The following WDR35 variants were observed in gnomAD, a reference collection of about 807,000 sequenced individuals.
WDR35 encodes WD repeat domain 35.
A neutral mutation model predicts 158.3 loss-of-function variants in WDR35; 118 were observed. That is an observed-to-expected ratio of 0.75 (90% CI 0.64 to 0.87). The LOEUF (loss-of-function observed/expected upper bound fraction) is 0.87. Among genes scored for constraint, WDR35 ranks in the 40% least tolerant of loss-of-function variants. The pLI is 0.00. For synonymous variants in WDR35, 448 were observed against 476.1 expected (o/e 0.94, Z 0.77); for missense variants, 1,263 against 1,405.8 (o/e 0.90, Z 1.62).
chr2:19,962,807 A>G (rs1164156374), intron 10 of WDR35, among the ~76,000 whole-genome samples: 1 of 152,200 alleles, frequency 6.6e-6, no homozygotes, highest in East Asian at 1.9e-4. Context: ...AAAAAATCAT[A>G]ATTTACTCTT....
At chr2:19,938,185 A>G (rs1050179308) in intron 18 of WDR35, 80 bp downstream of exon 18, 32 of 1,563,110 alleles carry the variant, frequency 2.0e-5, no homozygotes, top group Non-Finnish European at 2.6e-5. Context: ...TCAGGAGGAT[A>G]GTAGGGGAGC....
chr2:19,961,871 T>C (rs543835613), intron 10 of WDR35, among the ~76,000 whole-genome samples: 1 of 152,318 alleles, frequency 6.6e-6, no homozygotes, highest in African/African-American at 2.4e-5. Flanking sequence ...CTCATTCTAT[T>C]CATCAAACAA....
intron 11 of WDR35, among the ~76,000 whole-genome samples, chr2:19,960,328 T>C (rs918253592): frequency 2.0e-5 from 3 of 152,098 alleles, no homozygotes; most frequent in African/African-American, 7.2e-5. Context: ...AGACTAACCT[T>C]ATAATTTACT....
chr2:19,951,300 G>A, intron 13 of WDR35, 115 bp downstream of exon 13: 1 of 920,448 alleles, frequency 1.1e-6, no homozygotes, highest in Non-Finnish European at 1.6e-6. Context: ...TTAAAGAATT[G>A]CTAAAATAAT....
chr2:19,962,446 A>C, intron 10 of WDR35: 1 of 952,282 alleles, frequency 1.1e-6, no homozygotes, highest in Non-Finnish European at 1.7e-6. Flanking sequence ...GACCAATATT[A>C]GGAAAATAAT....
Position 19,932,985 on chromosome 2 carries a change from G to A in WDR35, c.2658+416C>T, listed in dbSNP as rs1670570003. ...TTTTCTATAAAGGAAAAGGAAAACA[G>A]ATTTGCCAAAATAAATATTGATAAA... On this transcript the variant is annotated intron_variant, in intron 22 of 26. Coordinates refer to ENST00000281405, the MANE Select transcript of WDR35 (RefSeq NM_020779.4). 2.0e-5 allele frequency among the ~76,000 whole-genome samples: 3 copies of A among 152,168 alleles called. No individual in the cohort carries two copies. In the South Asian group the frequency reaches 6.2e-4, roughly 32 times the overall value.
At chr2:19,928,883 T>C (rs557665306) in intron 25 of WDR35, among the ~76,000 whole-genome samples, 141 of 151,968 alleles carry the variant, frequency 9.3e-4, no homozygotes, top group Non-Finnish European at 1.6e-3. Flanking sequence ...CTCGGCTCAC[T>C]GCAAGCTCCG....
intron 25 of WDR35, among the ~76,000 whole-genome samples, chr2:19,922,716 T>C (rs886772121): frequency 6.6e-5 from 10 of 152,100 alleles, no homozygotes; most frequent in Non-Finnish European, 1.5e-4. Context: ...TAAAGTATAA[T>C]TAAAAAAAAG....
At chr2:19,930,587 A>G in intron 24 of WDR35, 35 bp from the exon 25 acceptor site, 2 of 1,613,146 alleles carry the variant, frequency 1.2e-6, no homozygotes, top group Non-Finnish European at 1.7e-6. Flanking sequence ...TTCCGTCAGC[A>G]CAAACGCACA....
At chr2:19,971,356 G>C (rs1672029157) in intron 8 of WDR35, among the ~76,000 whole-genome samples, 1 of 152,148 alleles carries the variant, frequency 6.6e-6, no homozygotes, top group African/African-American at 2.4e-5. Flanking sequence ...GGGCATGAGG[G>C]CCCTCATGGC....
At chr2:19,942,225 C>T (rs1670902697) in intron 16 of WDR35, among the ~76,000 whole-genome samples, 1 of 152,120 alleles carries the variant, frequency 6.6e-6, no homozygotes. Flanking sequence ...AGTCATATAG[C>T]TTGAAAATTC....
intron 19 of WDR35, 89 bp downstream of exon 19, chr2:19,937,654 A>G: frequency 6.5e-7 from 1 of 1,527,428 alleles, no homozygotes; most frequent in Non-Finnish European, 9.1e-7. Flanking sequence ...ACCATATGAT[A>G]CACCTAACGT....
intron 5 of WDR35, among the ~76,000 whole-genome samples, chr2:19,977,011 T>C (rs974347863): frequency 6.6e-6 from 1 of 152,090 alleles, no homozygotes; most frequent in Non-Finnish European, 1.5e-5. Context: ...TTTTTATTTT[T>C]AGCACAGACA....
At chr2:19,946,740 T>C (rs191133744) in intron 14 of WDR35, among the ~76,000 whole-genome samples, 170 bp from the exon 15 acceptor site, 1 of 152,324 alleles carries the variant, frequency 6.6e-6, no homozygotes, top group Admixed American at 6.5e-5. Flanking sequence ...CCTACTAATT[T>C]AATTAAACCT....
intron 9 of WDR35, among the ~76,000 whole-genome samples, chr2:19,968,039 C>A (rs1315232171): frequency 6.6e-6 from 1 of 152,104 alleles, no homozygotes; most frequent in Non-Finnish European, 1.5e-5. Context: ...CTTTTCATGA[C>A]CTCAACAGTT....
chr2:19,978,691 TA>T, intron 5 of WDR35, 59 bp downstream of exon 5: 1 of 1,610,778 alleles, frequency 6.2e-7, no homozygotes, highest in Non-Finnish European at 8.5e-7. Context: ...CTTAAATCTC[TA>T]AAGAAGAAAA....
chr2:19,934,181 C>T lies in WDR35; in HGVS notation c.2548-670G>A, dbSNP rs1670618528. Among the ~76,000 whole-genome samples, 1 of 152,058 alleles carries T rather than the reference C, an allele frequency of 6.6e-6. No homozygotes were observed. Among genetic ancestry groups the T allele is most frequent in the Non-Finnish European group, 1.5e-5 (1 of 68,018 alleles). On this transcript the variant is annotated intron_variant, in intron 21 of 26. Coordinates refer to ENST00000281405, the MANE Select transcript of WDR35 (RefSeq NM_020779.4). The surrounding 1 kb of genome is among the most constrained non-coding windows in gnomAD (Gnocchi z 4.6). ...AGGTTTTCCCTCCCCAACCCTTCTA[C>T]AATATGTTTGGAAGTATGAAAGTAT...
At chr2:19,980,846 T>C in intron 3 of WDR35, 63 bp from the exon 4 acceptor site, 1 of 1,393,524 alleles carries the variant, frequency 7.2e-7, no homozygotes, top group South Asian at 1.2e-5. Flanking sequence ...TTCACATTTT[T>C]ATATAAACAC....
At chr2:19,941,687 A>G in intron 17 of WDR35, 72 bp downstream of exon 17, 1 of 1,139,214 alleles carries the variant, frequency 8.8e-7, no homozygotes, top group South Asian at 1.3e-5. Flanking sequence ...GCTAACCAGG[A>G]TACTACACCG....
Sources: gnomAD v4.1 joint callset for allele counts (sites outside exome capture counted in the v4.1 genomes callset) on GRCh38, gnomAD v4.1.1 for gene constraint, Gnocchi (gnomAD v3.1) non-coding constraint, MANE v1.5 for transcripts, NCBI Gene and HGNC (gene_info 2026-07-23, HGNC 2026-07-21) for gene names.